PPARGC1A: variants seen among roughly 807,000 people sequenced by gnomAD.
PPARGC1A encodes the protein peroxisome proliferator-activated receptor gamma coactivator 1-alpha.
In PPARGC1A, 25 loss-of-function variants were observed where a neutral mutation model predicts 88.7. That is an observed-to-expected ratio of 0.28 (90% CI 0.21 to 0.39). PPARGC1A has a LOEUF of 0.39. Ranked by LOEUF, PPARGC1A falls within the 10% of genes least tolerant of loss-of-function variation. The pLI, the probability that PPARGC1A is intolerant of heterozygous loss-of-function variation, is 1.00. For missense variants in PPARGC1A, 880 were observed against 968.7 expected (o/e 0.91, Z 1.22); for synonymous variants, 363 against 355.6 (o/e 1.02, Z -0.24).
the PPARGC1A span, among the ~76,000 whole-genome samples, chr4:24,043,662 A>G: frequency 6.6e-6 from 1 of 152,194 alleles, no homozygotes; most frequent in African/African-American, 2.4e-5. Context: ...TTTATCTGGT[A>G]ATAGTTTATC....
the PPARGC1A span, among the ~76,000 whole-genome samples, chr4:24,187,963 T>A: frequency 1.3e-5 from 2 of 152,212 alleles, no homozygotes; most frequent in African/African-American, 2.4e-5. Context: ...AGGATGAGTA[T>A]AAGTTGATTA....
chr4:23,823,830 T>C (rs1314924163), intron 7 of PPARGC1A, among the ~76,000 whole-genome samples: 2 of 152,098 alleles, frequency 1.3e-5, no homozygotes, highest in Non-Finnish European at 2.9e-5. Context: ...AAACACAAAG[T>C]GTGAAATTAA....
intron 2 of PPARGC1A, among the ~76,000 whole-genome samples, chr4:23,836,058 A>G (rs1036917450): frequency 5.3e-5 from 8 of 152,190 alleles, no homozygotes; most frequent in Non-Finnish European, 8.8e-5. Flanking sequence ...TTGCAAGATA[A>G]CCTTTCAAAG....
the PPARGC1A span, among the ~76,000 whole-genome samples, chr4:24,041,198 T>G: frequency 6.6e-6 from 1 of 152,204 alleles, no homozygotes; most frequent in Non-Finnish European, 1.5e-5. Context: ...CTTTCTTGCC[T>G]TCCACATCTG....
the PPARGC1A span, among the ~76,000 whole-genome samples, chr4:24,457,424 T>A: frequency 6.6e-6 from 1 of 152,224 alleles, no homozygotes; most frequent in South Asian, 2.1e-4. Context: ...ATCTTTAAGA[T>A]TTCTAGCCTG....
intron 2 of PPARGC1A, among the ~76,000 whole-genome samples, chr4:23,878,810 T>C (rs1378515863): frequency 1.3e-5 from 2 of 152,226 alleles, no homozygotes; most frequent in Non-Finnish European, 2.9e-5. Flanking sequence ...AACTGATTTA[T>C]ACCCAGAATT....
the PPARGC1A span, among the ~76,000 whole-genome samples, chr4:24,256,613 C>A: frequency 6.6e-6 from 1 of 152,130 alleles, no homozygotes; most frequent in African/African-American, 2.4e-5. Flanking sequence ...GGGTAAACAA[C>A]CTTAATTCAC....
the PPARGC1A span, among the ~76,000 whole-genome samples, chr4:24,113,431 T>C: frequency 6.6e-6 from 1 of 152,228 alleles, no homozygotes; most frequent in South Asian, 2.1e-4. Flanking sequence ...AATTGCTTTG[T>C]GGCTAACAAG....
chr4:24,077,672 T>TGTGTGTGTG, the PPARGC1A span, among the ~76,000 whole-genome samples: 1 of 145,682 alleles, frequency 6.9e-6, no homozygotes, highest in African/African-American at 2.5e-5. Context: ...TGTGTGTGTG[T>TGTGTGTGTG]TTCATTCATT....
the PPARGC1A span, among the ~76,000 whole-genome samples, chr4:23,991,093 C>G: frequency 6.6e-6 from 1 of 151,976 alleles, no homozygotes; most frequent in South Asian, 2.1e-4. Context: ...TAATATTAAC[C>G]AGGTGGGAAG....
the PPARGC1A span, among the ~76,000 whole-genome samples, chr4:24,266,542 A>G: frequency 1.3e-5 from 2 of 152,108 alleles, no homozygotes; most frequent in South Asian, 4.2e-4. Context: ...ATTATCCCAG[A>G]GGAGGGTAAG....
the PPARGC1A span, among the ~76,000 whole-genome samples, chr4:24,103,085 C>T: frequency 6.6e-6 from 1 of 152,124 alleles, no homozygotes; most frequent in Non-Finnish European, 1.5e-5. Flanking sequence ...GCTGCAACAC[C>T]CCATGCGCTT....
chr4:24,194,615 C>T, the PPARGC1A span, among the ~76,000 whole-genome samples: 12 of 20,580 alleles, frequency 5.8e-4, no homozygotes, highest in African/African-American at 1.9e-3. Context: ...GGCACACACG[C>T]GCGCGCACGC....
chr4:24,182,112 A>C, the PPARGC1A span, among the ~76,000 whole-genome samples: 770 of 152,064 alleles, frequency 5.1e-3, 10 homozygotes, highest in African/African-American at 0.018. Context: ...TAAGTCCCGC[A>C]TGCATTAGGT....
At chr4:23,851,744 T>C (rs1383621904) in intron 2 of PPARGC1A, among the ~76,000 whole-genome samples, 3 of 152,206 alleles carry the variant, frequency 2.0e-5, no homozygotes, top group South Asian at 4.1e-4. Context: ...AACCTTTTTA[T>C]TGTCTCATGT....
the PPARGC1A span, among the ~76,000 whole-genome samples, chr4:24,290,395 G>A: frequency 6.6e-6 from 1 of 152,014 alleles, no homozygotes; most frequent in Non-Finnish European, 1.5e-5. Context: ...AGCTTCATCA[G>A]TGAATATCCT....
the PPARGC1A span, among the ~76,000 whole-genome samples, chr4:24,383,153 T>C: frequency 6.6e-6 from 1 of 152,056 alleles, no homozygotes. Context: ...GAAGGAAAAC[T>C]AGCAAACAGA....
the PPARGC1A span, among the ~76,000 whole-genome samples, chr4:24,329,120 G>A: frequency 2.0e-5 from 3 of 147,030 alleles, no homozygotes; most frequent in Non-Finnish European, 3.0e-5. Flanking sequence ...GAGCAGAGTG[G>A]GCAGCTTTTG....
At chr4:24,002,245 A>G in the PPARGC1A span, among the ~76,000 whole-genome samples, 4 of 152,168 alleles carry the variant, frequency 2.6e-5, no homozygotes, top group South Asian at 6.2e-4. Context: ...CTCCTGCCTC[A>G]GCCTCCAGAG....
Sources: allele counts gnomAD v4.1 joint callset (sites outside exome capture counted in the v4.1 genomes callset), GRCh38; gene constraint gnomAD v4.1.1; transcripts MANE v1.5; gene names NCBI Gene and HGNC (gene_info 2026-07-23, HGNC 2026-07-21).